Variants in GRIN2B observed in about 807,000 individuals in gnomAD.
GRIN2B encodes glutamate ionotropic receptor NMDA type subunit 2B.
A neutral mutation model predicts 114.5 loss-of-function variants in GRIN2B; 5 were observed. That is an observed-to-expected ratio of 0.04 (90% CI 0.02 to 0.09). The LOEUF is 0.09. Ranked by LOEUF, GRIN2B falls within the 10% of genes least tolerant of loss-of-function variation. The pLI, the probability that GRIN2B is intolerant of heterozygous loss-of-function variation, is 1.00. For missense variants in GRIN2B, 1,108 were observed against 1,943.5 expected (o/e 0.57, Z 8.08); for synonymous variants, 787 against 745.1 (o/e 1.06, Z -0.92).
intron 5 of GRIN2B, among the ~76,000 whole-genome samples, chr12:13,670,074 T>C (rs1468710948): frequency 6.6e-6 from 1 of 152,074 alleles, no homozygotes; most frequent in African/African-American, 2.4e-5. Flanking sequence ...TTGCACTCCT[T>C]CCCTCCAGTT....
chr12:13,741,959 TA>T (rs1173638033), intron 4 of GRIN2B, among the ~76,000 whole-genome samples: 3 of 152,188 alleles, frequency 2.0e-5, no homozygotes, highest in African/African-American at 7.2e-5. Context: ...TAATCTTTTT[TA>T]AAAATAAATT....
chr12:13,814,901 C>G (rs1434769802), intron 3 of GRIN2B, among the ~76,000 whole-genome samples: 1 of 152,120 alleles, frequency 6.6e-6, no homozygotes, highest in Admixed American at 6.5e-5. Flanking sequence ...TTTTCTAGTT[C>G]TTCTTGTCTA....
chr12:13,958,358 T>C (rs1867629627), intron 2 of GRIN2B, among the ~76,000 whole-genome samples: 1 of 152,198 alleles, frequency 6.6e-6, no homozygotes, highest in Non-Finnish European at 1.5e-5. Flanking sequence ...ACAGTCCTGA[T>C]GCCCAGGAGC....
intron 2 of GRIN2B, among the ~76,000 whole-genome samples, chr12:13,886,120 T>A (rs923274192): frequency 3.3e-5 from 5 of 152,228 alleles, no homozygotes; most frequent in Non-Finnish European, 7.3e-5. Context: ...TTTCCAAATA[T>A]GCTCATAACT....
At position 13,563,131 on chromosome 12, in the gene GRIN2B, G is replaced by T; in HGVS notation, c.4107C>A (p.Gly1369=). ...AGAGCGACTTGCTGAGCATGTACCC[G>T]CCGCCGGGGTTGTTGTGGTGGTGAT... The part of the protein sequence containing the change: ...AGHHHHNNPG[G]GYMLSKSLYP... Residue 1369 remains glycine (G), a synonymous_variant, in exon 14 of 14, where the codon GGC becomes GGA. Coordinates refer to ENST00000609686, the MANE Select transcript of GRIN2B (RefSeq NM_000834.5). 2 of 1,614,166 alleles carry T rather than the reference G, an allele frequency of 1.2e-6. No homozygotes were observed. The highest frequency in any genetic ancestry group is 2.2e-5 in the East Asian group (1 of 44,874).
intron 2 of GRIN2B, among the ~76,000 whole-genome samples, chr12:13,873,076 G>A (rs560776328): frequency 1.3e-5 from 2 of 152,288 alleles, no homozygotes; most frequent in South Asian, 2.1e-4. Context: ...TAATGAAACT[G>A]TGCTATGAAC....
At chr12:13,667,671 T>C (rs1221420601) in intron 5 of GRIN2B, among the ~76,000 whole-genome samples, 1 of 152,138 alleles carries the variant, frequency 6.6e-6, no homozygotes, top group African/African-American at 2.4e-5. Flanking sequence ...AGGGAACATG[T>C]CCTCAATATC....
intron 5 of GRIN2B, among the ~76,000 whole-genome samples, chr12:13,636,576 G>A (rs1351677220): frequency 6.6e-6 from 1 of 152,102 alleles, no homozygotes; most frequent in African/African-American, 2.4e-5. Context: ...TTTGACAGGT[G>A]GAGATAAGAG....
At position 13,615,862 on chromosome 12, in the gene GRIN2B, G is replaced by A. The variant is rs1403386289; in HGVS notation, c.1329-198C>T. Among the ~76,000 whole-genome samples the A allele has an allele frequency of 2.0e-5, 3 of 152,104 alleles. No homozygotes were observed. Among genetic ancestry groups the A allele is most frequent in the Non-Finnish European group, 4.4e-5 (3 of 68,032 alleles). ...AATATTCTCATTATCTCGTCATATT[G>A]AGATATGTTTCCTCTTAATTTTAAT... is the stretch of plus-strand genomic sequence containing the variant. On this transcript the variant is annotated intron_variant, in intron 6 of 13. Transcript: ENST00000609686. The surrounding 1 kb of genome is among the most constrained non-coding windows in gnomAD (Gnocchi z 5.8).
At chr12:13,567,434 C>T (rs1411216274) in intron 12 of GRIN2B, among the ~76,000 whole-genome samples, 171 bp from the exon 13 acceptor site, 2 of 152,154 alleles carry the variant, frequency 1.3e-5, no homozygotes, top group Non-Finnish European at 2.9e-5. Context: ...CTTATTAATG[C>T]CATTACATAT....
chr12:13,676,540 C>T (rs567577715), intron 4 of GRIN2B, among the ~76,000 whole-genome samples: 1 of 152,110 alleles, frequency 6.6e-6, no homozygotes, highest in Non-Finnish European at 1.5e-5. Context: ...TACCATGCGG[C>T]CTGGTGCATA....
chr12:13,972,172 A>T (rs1051753717), intron 2 of GRIN2B, among the ~76,000 whole-genome samples: 5 of 150,872 alleles, frequency 3.3e-5, no homozygotes, highest in African/African-American at 9.7e-5. Context: ...TTTCAATTTA[A>T]CTCTTTGGGG....
At chr12:13,788,657 C>T (rs1349434099) in intron 3 of GRIN2B, among the ~76,000 whole-genome samples, 1 of 148,722 alleles carries the variant, frequency 6.7e-6, no homozygotes, top group African/African-American at 2.5e-5. Flanking sequence ...TTTGGTTTCC[C>T]TTCTTTCCTT....
At chr12:13,655,811 G>C (rs1004041661) in intron 5 of GRIN2B, among the ~76,000 whole-genome samples, 2 of 152,174 alleles carry the variant, frequency 1.3e-5, no homozygotes, top group Admixed American at 6.5e-5. Context: ...TATAGTGTTA[G>C]CTATTACTAA....
intron 3 of GRIN2B, among the ~76,000 whole-genome samples, chr12:13,790,630 G>A (rs573040418): frequency 4.3e-4 from 65 of 152,304 alleles, no homozygotes; most frequent in South Asian, 3.5e-3. Context: ...CATCTCCCAT[G>A]AATCCTCTGT....
intron 3 of GRIN2B, among the ~76,000 whole-genome samples, chr12:13,828,532 A>G (rs1198384957): frequency 6.6e-6 from 1 of 152,138 alleles, no homozygotes; most frequent in Non-Finnish European, 1.5e-5. Context: ...CTCATGCCTT[A>G]TCCTCCCCAA....
chr12:13,609,699 G>A (rs1047827570), intron 9 of GRIN2B, among the ~76,000 whole-genome samples: 11 of 151,920 alleles, frequency 7.2e-5, no homozygotes, highest in African/African-American at 2.7e-4. Flanking sequence ...TGTGAACCCG[G>A]GAGGCGGAGC....
intron 10 of GRIN2B, among the ~76,000 whole-genome samples, chr12:13,597,456 T>A (rs1289215568): frequency 2.6e-5 from 4 of 152,204 alleles, no homozygotes. Context: ...AAGTCTCAGA[T>A]GGAAAAGGGA....
chr12:13,861,917 T>C (rs1317209714), intron 3 of GRIN2B, among the ~76,000 whole-genome samples: 1 of 152,222 alleles, frequency 6.6e-6, no homozygotes. Context: ...GACACTTCAG[T>C]GAAGCACTTG....
Sources: allele counts gnomAD v4.1 joint callset (sites outside exome capture counted in the v4.1 genomes callset), GRCh38; gene constraint gnomAD v4.1.1; non-coding constraint Gnocchi (gnomAD v3.1); transcripts MANE v1.5; gene names NCBI Gene and HGNC (gene_info 2026-07-23, HGNC 2026-07-21).